Variants in CACHD1 observed in about 807,000 individuals in gnomAD.
CACHD1 encodes cache domain containing 1.
CACHD1 carries 71 observed loss-of-function variants against 138.7 expected under a neutral mutation model. The observed-to-expected ratio is 0.51, with a 90% CI of 0.42 to 0.62. The LOEUF (loss-of-function observed/expected upper bound fraction) is 0.62. CACHD1 is among the 20% of genes least tolerant of loss of function. The pLI is 0.00. For synonymous variants in CACHD1, 578 were observed against 591.5 expected, an observed-to-expected ratio of 0.98 and a Z score of 0.33; for missense variants, 1,389 against 1,625.3, an observed-to-expected ratio of 0.85 and a Z score of 2.50.
At chr1:64,646,037 A>G (rs999830072) in intron 8 of CACHD1, among the ~76,000 whole-genome samples, 1 of 152,178 alleles carries the variant, frequency 6.6e-6, no homozygotes, top group Non-Finnish European at 1.5e-5. Flanking sequence ...CCATCCCTAC[A>G]TAACATCTCA....
chr1:64,680,231 G>A (rs1338278003), intron 24 of CACHD1, among the ~76,000 whole-genome samples: 1 of 152,168 alleles, frequency 6.6e-6, no homozygotes, highest in South Asian at 2.1e-4. Flanking sequence ...GCTCATGCCT[G>A]TAATCCCAGC....
chr1:64,629,913 A>T (rs1211568358), intron 5 of CACHD1, among the ~76,000 whole-genome samples: 3 of 152,138 alleles, frequency 2.0e-5, no homozygotes, highest in Non-Finnish European at 4.4e-5. Context: ...TGAAATTTAC[A>T]TGCAGATTTT....
chr1:64,664,732 A>G, intron 15 of CACHD1, 53 bp downstream of exon 15: 1 of 1,552,572 alleles, frequency 6.4e-7, no homozygotes, highest in Non-Finnish European at 8.8e-7. Context: ...TCCTGGAGAG[A>G]CATGGTAAGT....
intron 15 of CACHD1, 54 bp downstream of exon 15, chr1:64,664,733 C>T (rs1453189654): frequency 1.9e-6 from 3 of 1,541,880 alleles, no homozygotes; most frequent in African/African-American, 2.7e-5. Context: ...CCTGGAGAGA[C>T]ATGGTAAGTA....
chr1:64,646,138 T>C (rs1220653271), intron 8 of CACHD1, among the ~76,000 whole-genome samples: 4 of 152,194 alleles, frequency 2.6e-5, no homozygotes, highest in African/African-American at 9.6e-5. Context: ...CTTTTATGTT[T>C]TGAGAGACTC....
At chr1:64,535,060 G>C (rs1450074208) in intron 1 of CACHD1, among the ~76,000 whole-genome samples, 1 of 152,142 alleles carries the variant, frequency 6.6e-6, no homozygotes, top group Admixed American at 6.6e-5. Flanking sequence ...AAATCAAAGT[G>C]CCCGTTCCTT....
At chr1:64,635,948 A>C (rs1174482835) in intron 7 of CACHD1, among the ~76,000 whole-genome samples, 1 of 151,756 alleles carries the variant, frequency 6.6e-6, no homozygotes, top group Non-Finnish European at 1.5e-5. Flanking sequence ...CATCTCCACT[A>C]AAAATACAAA....
intron 16 of CACHD1, among the ~76,000 whole-genome samples, chr1:64,666,479 C>T (rs1471687366): frequency 6.6e-6 from 1 of 152,146 alleles, no homozygotes; most frequent in East Asian, 1.9e-4. Flanking sequence ...GTCTAAAGAG[C>T]AGTTTGAAGA....
At chr1:64,536,181 C>T (rs1646631425) in intron 1 of CACHD1, among the ~76,000 whole-genome samples, 1 of 152,070 alleles carries the variant, frequency 6.6e-6, no homozygotes, top group Admixed American at 6.5e-5. Flanking sequence ...TGTTGTATTC[C>T]TCCCTTAGTA....
intron 6 of CACHD1, 30 bp downstream of exon 6, chr1:64,632,773 A>G (rs1333026859): frequency 6.2e-7 from 1 of 1,612,964 alleles, no homozygotes; most frequent in African/African-American, 1.3e-5. Flanking sequence ...CCCCTATGGC[A>G]TCAGGTTCTC....
At chr1:64,540,498 G>C (rs1170837251) in intron 1 of CACHD1, among the ~76,000 whole-genome samples, 1 of 152,114 alleles carries the variant, frequency 6.6e-6, no homozygotes, top group Non-Finnish European at 1.5e-5. Context: ...CCAACATGTG[G>C]AACTAATTTA....
chr1:64,680,089 A>G (rs923231870), intron 24 of CACHD1, among the ~76,000 whole-genome samples: 7 of 152,218 alleles, frequency 4.6e-5, no homozygotes, highest in Non-Finnish European at 1.0e-4. Context: ...AGACAGGCAA[A>G]TCAAAGATAC....
chr1:64,681,166 C>T, intron 24 of CACHD1, 92 bp from the exon 25 acceptor site: 2 of 874,358 alleles, frequency 2.3e-6, no homozygotes, highest in Non-Finnish European at 3.7e-6. Flanking sequence ...AATGCTGTCA[C>T]CCAGCCATCA....
intron 9 of CACHD1, among the ~76,000 whole-genome samples, chr1:64,649,488 G>A (rs949421846): frequency 1.9e-4 from 29 of 152,162 alleles, no homozygotes; most frequent in African/African-American, 7.0e-4. Context: ...TTTTATGCAT[G>A]TAGCTTACAT....
At chr1:64,599,847 G>A (rs1266207960) in intron 3 of CACHD1, among the ~76,000 whole-genome samples, 1 of 152,024 alleles carries the variant, frequency 6.6e-6, no homozygotes, top group East Asian at 1.9e-4. Context: ...CTCTCTCAAG[G>A]GGTGATGCTG....
intron 5 of CACHD1, among the ~76,000 whole-genome samples, chr1:64,631,143 C>T (rs1557528286): frequency 6.6e-6 from 1 of 152,270 alleles, no homozygotes; most frequent in East Asian, 1.9e-4. Context: ...ACTAAAGCAG[C>T]GTTTAACAAC....
chr1:64,492,514 A>G (rs1436249726), intron 1 of CACHD1, among the ~76,000 whole-genome samples: 6 of 150,950 alleles, frequency 4.0e-5, no homozygotes, highest in South Asian at 2.1e-4. Context: ...CTCTAGGCCA[A>G]TCTCACAGGA....
chr1:64,551,304 A>T (rs1364326197), intron 2 of CACHD1, among the ~76,000 whole-genome samples: 2 of 149,444 alleles, frequency 1.3e-5, no homozygotes, highest in African/African-American at 4.9e-5. Context: ...GATTCTATTT[A>T]CTTTATTTAT....
chr1:64,623,872 G>C (rs545587507), intron 4 of CACHD1, among the ~76,000 whole-genome samples: 11 of 152,204 alleles, frequency 7.2e-5, no homozygotes, highest in Non-Finnish European at 1.3e-4. Flanking sequence ...CCGCTTAATG[G>C]GTTGGGCATC....
Sources: allele counts gnomAD v4.1 joint callset (sites outside exome capture counted in the v4.1 genomes callset), GRCh38; gene constraint gnomAD v4.1.1; transcripts MANE v1.5; gene names NCBI Gene and HGNC (gene_info 2026-07-23, HGNC 2026-07-21).